ZEB1: variants seen among roughly 807,000 people sequenced by gnomAD.
ZEB1 encodes the protein zinc finger E-box-binding homeobox 1.
A neutral mutation model predicts 84.9 loss-of-function variants in ZEB1; 21 were observed. The ratio of observed to expected loss-of-function variants is 0.25; its 90% CI spans 0.18 to 0.36. The LOEUF (loss-of-function observed/expected upper bound fraction) is 0.36. Among genes scored for constraint, ZEB1 ranks in the 10% least tolerant of loss-of-function variants. The pLI is 1.00. For synonymous variants in ZEB1, 420 were observed against 471.1 expected (o/e 0.89, Z 1.41); for missense variants, 1,104 against 1,330.2 (o/e 0.83, Z 2.65).
intron 1 of ZEB1, among the ~76,000 whole-genome samples, chr10:31,326,376 C>T (rs964158831): frequency 1.3e-5 from 2 of 152,128 alleles, no homozygotes; most frequent in Non-Finnish European, 2.9e-5. Context: ...TGCTACATCA[C>T]TTTTCTGAAT....
intron 2 of ZEB1, among the ~76,000 whole-genome samples, chr10:31,466,503 C>T (rs1279207340): frequency 6.6e-6 from 1 of 152,084 alleles, no homozygotes; most frequent in Non-Finnish European, 1.5e-5. Context: ...CAACACACTC[C>T]TGAACAACCA....
chr10:31,470,158 C>G (rs1180629021), intron 2 of ZEB1, among the ~76,000 whole-genome samples: 1 of 152,208 alleles, frequency 6.6e-6, no homozygotes, highest in Admixed American at 6.5e-5. Context: ...CAGAGCGCCT[C>G]TCCTCCTCCA....
At chr10:31,470,147 G>A (rs1478304591) in intron 2 of ZEB1, among the ~76,000 whole-genome samples, 1 of 152,208 alleles carries the variant, frequency 6.6e-6, no homozygotes, top group African/African-American at 2.4e-5. Context: ...ACTCTAAAAA[G>A]CAGAGCGCCT....
intron 4 of ZEB1, among the ~76,000 whole-genome samples, chr10:31,508,149 T>C (rs1167451121): frequency 6.6e-6 from 1 of 152,170 alleles, no homozygotes; most frequent in Non-Finnish European, 1.5e-5. Context: ...GGATGCCAGG[T>C]GGACCATTCC....
At chr10:31,363,709 AT>A (rs1564598173) in intron 1 of ZEB1, 1 of 1,215,156 alleles carries the variant, frequency 8.2e-7, no homozygotes, top group East Asian at 2.5e-5. Context: ...GTGTCCAAAC[AT>A]TATGGAGTTG....
chr10:31,475,142 G>A (rs867727327), intron 2 of ZEB1, among the ~76,000 whole-genome samples: 34 of 151,274 alleles, frequency 2.2e-4, no homozygotes, highest in South Asian at 8.3e-4. Flanking sequence ...GTGCACCAGC[G>A]TGGCACATGT....
chr10:31,372,619 C>T (rs2045921421), intron 1 of ZEB1, among the ~76,000 whole-genome samples: 2 of 152,010 alleles, frequency 1.3e-5, no homozygotes, highest in Admixed American at 6.6e-5. Context: ...TGTACTATTA[C>T]AAGTAGTTGA....
At chr10:31,476,365 A>AT (rs937527354) in intron 2 of ZEB1, among the ~76,000 whole-genome samples, 1 of 152,122 alleles carries the variant, frequency 6.6e-6, no homozygotes, top group Non-Finnish European at 1.5e-5. Context: ...CCTAGAAGAA[A>AT]TATGTGAATT....
chr10:31,474,661 CA>C (rs1323397730), intron 2 of ZEB1, among the ~76,000 whole-genome samples: 1 of 152,164 alleles, frequency 6.6e-6, no homozygotes, highest in Non-Finnish European at 1.5e-5. Context: ...GGCGATTCCT[CA>C]GGGATCTAGA....
At chr10:31,446,934 T>G (rs1371890680) in intron 1 of ZEB1, among the ~76,000 whole-genome samples, 2 of 152,146 alleles carry the variant, frequency 1.3e-5, no homozygotes, top group Admixed American at 6.5e-5. Context: ...TAGGTCTGCT[T>G]GGTTCAGAGC....
chr10:31,490,261 A>T (rs934934474), intron 2 of ZEB1, among the ~76,000 whole-genome samples: 1 of 151,530 alleles, frequency 6.6e-6, no homozygotes, highest in African/African-American at 2.4e-5. Flanking sequence ...ATTTTTAAAC[A>T]TTATTCAGTT....
In ZEB1 at chr10:31,520,803, CA is replaced by C; in HGVS notation, c.1475del (p.Asn492IlefsTer2). The C allele has an allele frequency of 6.2e-7, 1 of 1,613,814 alleles. No homozygotes were observed. Among genetic ancestry groups the C allele is most frequent in the Non-Finnish European group, 8.5e-7 (1 of 1,179,932 alleles). On this transcript the variant is annotated frameshift_variant, in exon 7 of 9. Transcript: ENST00000424869. LOFTEE classifies it high-confidence loss of function. The surrounding 1 kb of genome is among the most constrained non-coding windows in gnomAD (Gnocchi z 5.1). Reference sequence around the variant, plus strand: ...GCCTAGCCAACTTCAAGTTGTTCCTCAAAATTTAAAAAAAGAAAATCCAGTC... The same window carrying C: ...GCCTAGCCAACTTCAAGTTGTTCCTCAAATTTAAAAAAAGAAAATCCAGTC... ...EQPSQLQVVP[Q>X]NLKKENPVAT...
chr10:31,466,613 C>G (rs1039792928), intron 2 of ZEB1, among the ~76,000 whole-genome samples: 1 of 151,936 alleles, frequency 6.6e-6, no homozygotes, highest in Admixed American at 6.6e-5. Flanking sequence ...AAAAGCAGTT[C>G]TAAAAGAGAA....
chr10:31,376,244 G>A (rs996377993), intron 1 of ZEB1, among the ~76,000 whole-genome samples: 2 of 151,618 alleles, frequency 1.3e-5, no homozygotes, highest in Non-Finnish European at 3.0e-5. Flanking sequence ...AGTGGCTTAT[G>A]ATATTATAAA....
rs149270359 is a variant in ZEB1 at position 31,420,900 on chromosome 10, C to T, written c.59-40137C>T. Among the ~76,000 whole-genome samples the T allele has an allele frequency of 3.6e-3, 541 of 152,228 alleles. 5 individuals are homozygous for T. Among genetic ancestry groups the T allele is most frequent in the Middle Eastern group, 0.017 (5 of 294 alleles). On this transcript the variant is annotated intron_variant, in intron 1 of 8. Transcript: ENST00000424869. ...TTCTCTTCCTTCATTCCGTAGATAT[C>T]GAGATTTCTCAAAACATCTCATCAA...
chr10:31,516,828 A>G (rs1310972915), intron 6 of ZEB1, among the ~76,000 whole-genome samples: 1 of 152,024 alleles, frequency 6.6e-6, no homozygotes, highest in Non-Finnish European at 1.5e-5. Flanking sequence ...ACGTAGATAC[A>G]GTTTAAGTAC....
At chr10:31,413,398 T>C (rs1338420104) in intron 1 of ZEB1, among the ~76,000 whole-genome samples, 1 of 152,172 alleles carries the variant, frequency 6.6e-6, no homozygotes, top group Admixed American at 6.5e-5. Flanking sequence ...GTTTTAGGTA[T>C]TGTGTAGATG....
intron 1 of ZEB1, among the ~76,000 whole-genome samples, chr10:31,338,183 TTAAAA>T (rs2038592136): frequency 6.6e-6 from 1 of 152,254 alleles, no homozygotes; most frequent in Non-Finnish European, 1.5e-5. Context: ...TTTTTCTAAC[TTAAAA>T]TATGTGTGTT....
chr10:31,398,217 C>T (rs926202495), intron 1 of ZEB1, among the ~76,000 whole-genome samples: 1 of 152,054 alleles, frequency 6.6e-6, no homozygotes, highest in African/African-American at 2.4e-5. Context: ...ACATTTGTAC[C>T]TGTTAATGAG....
Sources: gnomAD v4.1 joint callset for allele counts (sites outside exome capture counted in the v4.1 genomes callset) on GRCh38, gnomAD v4.1.1 for gene constraint, Gnocchi (gnomAD v3.1) non-coding constraint, MANE v1.5 for transcripts, NCBI Gene and HGNC (gene_info 2026-07-23, HGNC 2026-07-21) for gene names.